SAMMSON: variants seen among roughly 807,000 people sequenced by gnomAD.
SAMMSON encodes the protein long intergenic non-protein coding RNA 1212.
intron 4 of SAMMSON, among the ~76,000 whole-genome samples, chr3:70,223,770 A>G (rs1466761238): frequency 1.3e-5 from 2 of 152,182 alleles, no homozygotes; most frequent in African/African-American, 2.4e-5. Flanking sequence ...TTTAATTCAC[A>G]TACAAATGAA....
chr3:70,045,352 G>T (rs999676655), intron 3 of SAMMSON, among the ~76,000 whole-genome samples: 1 of 150,510 alleles, frequency 6.6e-6, no homozygotes, highest in African/African-American at 2.4e-5. Context: ...GCAAATGGAG[G>T]ATCTTTTCCA....
At chr3:70,046,215 G>T (rs947015882) in intron 3 of SAMMSON, among the ~76,000 whole-genome samples, 2 of 152,026 alleles carry the variant, frequency 1.3e-5, no homozygotes, top group African/African-American at 4.8e-5. Context: ...GAAACGATCT[G>T]AGTGAGCAAC....
chr3:70,190,839 T>C (rs1437644871), intron 4 of SAMMSON, among the ~76,000 whole-genome samples: 4 of 152,162 alleles, frequency 2.6e-5, no homozygotes, highest in Non-Finnish European at 5.9e-5. Flanking sequence ...TTTTACAAAC[T>C]CACTTTATGT....
chr3:70,002,607 G>T (rs1298762878), intron 1 of SAMMSON, among the ~76,000 whole-genome samples: 2 of 152,244 alleles, frequency 1.3e-5, no homozygotes, highest in East Asian at 3.9e-4. Context: ...TATCAACTCT[G>T]TCATAGCTGG....
intron 3 of SAMMSON, among the ~76,000 whole-genome samples, chr3:70,021,222 C>T (rs2067012136): frequency 6.6e-6 from 1 of 152,180 alleles, no homozygotes; most frequent in Non-Finnish European, 1.5e-5. Flanking sequence ...GCCACCAAAA[C>T]ACATTTCCTG....
chr3:70,216,295 T>C (rs995541470), intron 4 of SAMMSON, among the ~76,000 whole-genome samples: 1 of 150,328 alleles, frequency 6.7e-6, no homozygotes, highest in African/African-American at 2.4e-5. Context: ...AGATATCTGA[T>C]TAATACTACA....
intron 7 of SAMMSON, among the ~76,000 whole-genome samples, chr3:70,302,040 A>G (rs2106702345): frequency 6.6e-6 from 1 of 152,212 alleles, no homozygotes. Flanking sequence ...AAGAAGAAGA[A>G]TTGCCTGATG....
At chr3:70,019,006 G>A (rs1037454684) in intron 3 of SAMMSON, among the ~76,000 whole-genome samples, 9 of 152,304 alleles carry the variant, frequency 5.9e-5, no homozygotes, top group Middle Eastern at 3.4e-3. Context: ...TTCCAACTAC[G>A]TGGTCAATTT....
chr3:70,008,021 C>A (rs1045829093), intron 1 of SAMMSON, among the ~76,000 whole-genome samples: 2 of 152,070 alleles, frequency 1.3e-5, no homozygotes, highest in East Asian at 3.9e-4. Flanking sequence ...GTTTTGGTAC[C>A]AGTACCATGC....
At chr3:70,023,213 T>C (rs981404178) in intron 3 of SAMMSON, among the ~76,000 whole-genome samples, 3 of 152,012 alleles carry the variant, frequency 2.0e-5, no homozygotes, top group African/African-American at 7.3e-5. Flanking sequence ...TCCCAGCACT[T>C]TGGGAGGCCG....
At chr3:70,359,615 G>C (rs865993743) in intron 9 of SAMMSON, among the ~76,000 whole-genome samples, 2 of 152,032 alleles carry the variant, frequency 1.3e-5, no homozygotes, top group Non-Finnish European at 2.9e-5. Context: ...AAACTATCGC[G>C]AGCCTTTTCT....
intron 2 of SAMMSON, among the ~76,000 whole-genome samples, chr3:70,400,805 A>G (rs1701133971): frequency 6.6e-6 from 1 of 151,978 alleles, no homozygotes; most frequent in African/African-American, 2.4e-5. Context: ...GGTGGTGTGC[A>G]CCTGTAATTC....
chr3:70,225,712 A>G (rs1701498011), intron 4 of SAMMSON, among the ~76,000 whole-genome samples: 2 of 152,230 alleles, frequency 1.3e-5, no homozygotes, highest in African/African-American at 4.8e-5. Context: ...CCAAAATGAA[A>G]CAATAAAGTA....
intron 9 of SAMMSON, among the ~76,000 whole-genome samples, chr3:70,372,490 G>C (rs771334848): frequency 6.6e-5 from 10 of 151,914 alleles, no homozygotes; most frequent in Non-Finnish European, 1.3e-4. Context: ...AGTAGAGACG[G>C]GGTTTCACCA....
At chr3:70,198,910 G>C (rs1369527842) in intron 4 of SAMMSON, among the ~76,000 whole-genome samples, 1 of 152,134 alleles carries the variant, frequency 6.6e-6, no homozygotes, top group Admixed American at 6.5e-5. Flanking sequence ...TATATAGACT[G>C]TTTCAACTAT....
intron 9 of SAMMSON, among the ~76,000 whole-genome samples, chr3:70,359,039 C>T (rs888639420): frequency 6.6e-5 from 10 of 152,084 alleles, no homozygotes; most frequent in African/African-American, 2.4e-4. Flanking sequence ...CACCCACCCC[C>T]AGCCCCCAAC....
intron 3 of SAMMSON, among the ~76,000 whole-genome samples, chr3:70,047,228 A>T (rs1401617007): frequency 6.6e-6 from 1 of 152,174 alleles, no homozygotes; most frequent in Non-Finnish European, 1.5e-5. Context: ...TGGGCTAACG[A>T]ATGAATGAAT....
chr3:70,140,825 C>T (rs1245237108), intron 4 of SAMMSON, among the ~76,000 whole-genome samples: 2 of 152,144 alleles, frequency 1.3e-5, no homozygotes, highest in African/African-American at 4.8e-5. Flanking sequence ...ATAACATGTT[C>T]CTCTTCCTCA....
At chr3:70,029,503 T>TCC (rs1433156482) in intron 3 of SAMMSON, among the ~76,000 whole-genome samples, 3 of 152,002 alleles carry the variant, frequency 2.0e-5, no homozygotes, top group South Asian at 4.2e-4. Flanking sequence ...CCTGTAATGC[T>TCC]CCCAGTTTGG....
Sources: allele counts gnomAD v4.1 joint callset (sites outside exome capture counted in the v4.1 genomes callset), GRCh38; gene constraint gnomAD v4.1.1; transcripts MANE v1.5; gene names NCBI Gene and HGNC (gene_info 2026-07-23, HGNC 2026-07-21).